Variants in CORO7 observed in about 807,000 individuals in gnomAD.
The protein encoded by CORO7 is coronin-7.
In CORO7, 107 loss-of-function variants were observed where a neutral mutation model predicts 126.6. The observed-to-expected ratio is 0.85, with a 90% confidence interval of 0.72 to 0.99. CORO7 has a LOEUF of 0.99. CORO7 is among the 50% of genes least tolerant of loss of function. The pLI is 0.00. For missense variants in CORO7, 1,314 were observed against 1,255.8 expected, an observed-to-expected ratio of 1.05 and a Z score of -0.70; for synonymous variants, 603 against 536.8, an observed-to-expected ratio of 1.12 and a Z score of -1.70.
intron 7 of CORO7, among the ~76,000 whole-genome samples, chr16:4,391,717 C>G (rs1046592261): frequency 6.6e-6 from 1 of 152,230 alleles, no homozygotes; most frequent in Non-Finnish European, 1.5e-5. Flanking sequence ...GGCGACAGAG[C>G]GAGACCCGTT....
rs2053999659 is a variant in CORO7 at position 4,357,125 on chromosome 16, A to C, written c.2685+43T>G. 11 of 1,611,504 alleles carry C rather than the reference A, an allele frequency of 6.8e-6. No individual in the cohort carries two copies. The East Asian group carries it at 2.5e-4, about 36-fold the overall frequency. ...TAAGGGGCCGTGGCCAGGTGCAGCC[A>C]GGACTCTGTCACCTCCGCACAGCTG... is the stretch of plus-strand genomic sequence containing the variant. On this transcript the variant is annotated intron_variant, in intron 26 of 27. Coordinates refer to ENST00000251166, the MANE Select transcript of CORO7 (RefSeq NM_024535.5).
At chr16:4,383,256 G>A (rs1036508165) in intron 9 of CORO7, 8 of 274,804 alleles carry the variant, frequency 2.9e-5, no homozygotes, top group African/African-American at 1.5e-4. Context: ...GGCCAGTGAA[G>A]GAAGCTCCCG....
intron 22 of CORO7, 27 bp from the exon 23 acceptor site, chr16:4,359,412 C>T: frequency 1.3e-6 from 2 of 1,598,086 alleles, no homozygotes; most frequent in Non-Finnish European, 8.6e-7. Context: ...AGGCTGGGAA[C>T]CCTCCGGCAA....
At position 4,400,096 on chromosome 16, in the gene CORO7, G is replaced by A. The variant is rs190993195; in HGVS notation, c.565-4757C>T. Among the ~76,000 whole-genome samples, 31 of 152,288 alleles carry A rather than the reference G, an allele frequency of 2.0e-4. 1 individual carries two copies. Among genetic ancestry groups the A allele is most frequent in the Admixed American group, 8.5e-4 (13 of 15,298 alleles). Reference sequence around the variant, plus strand: ...AGGTGGAACCCAGGGGATGTTAAGAGCAGTGAAACTACTCCGTATAGTGGT... The same window carrying A: ...AGGTGGAACCCAGGGGATGTTAAGAACAGTGAAACTACTCCGTATAGTGGT... On this transcript the variant is annotated intron_variant, in intron 6 of 27. Transcript: ENST00000251166.
In CORO7 at chr16:4,407,504, T is replaced by G; in HGVS notation, c.484A>C (p.Thr162Pro). 7 of 1,566,252 alleles carry G rather than the reference T, an allele frequency of 4.5e-6. No homozygotes were observed. The highest frequency in any genetic ancestry group is 2.6e-6 in the Non-Finnish European group (3 of 1,155,546). ...VWDAAKQQPL[T>P]ELAAHGDLVQ... ...GGCAGGCCAGGGTGGCCTGTACCTG[T>G]CAGGGGCTGCTGCTTGGCTGCGTCC... is the stretch of plus-strand genomic sequence containing the variant. The change falls in exon 5 of 28, where the codon ACA (threonine) becomes CCA (proline). Residue 162 changes from threonine (T) to proline (P), a missense_variant. Thr to Pro is a conservative substitution (Grantham distance 38, BLOSUM62 -1). Transcript: ENST00000251166.
chr16:4,402,901 A>G (rs532087537), intron 6 of CORO7, among the ~76,000 whole-genome samples: 1 of 152,100 alleles, frequency 6.6e-6, no homozygotes, highest in East Asian at 1.9e-4. Context: ...ACCCAGTGGG[A>G]GTAGCTGAGA....
Position 4,362,483 on chromosome 16 carries a change from G to T in CORO7, c.1402+129C>A. The T allele has an allele frequency of 7.0e-7, 1 of 1,424,356 alleles. No individual in the cohort carries two copies. Among genetic ancestry groups the T allele is most frequent in the Admixed American group, 2.6e-5 (1 of 38,214 alleles). 88.2% of individuals were successfully genotyped at this position (1,424,356 alleles called of 1,614,324 possible). A position where few individuals can be genotyped will look rare whatever the true frequency, so the allele number is the denominator to read the frequency against. On this transcript the variant is annotated intron_variant, in intron 15 of 27. Transcript: ENST00000251166. The surrounding 1 kb of genome is among the most constrained non-coding windows in gnomAD (Gnocchi z 5.3). ...GCCCCCAGGACAAATGACCCTGCCA[G>T]TGAGTCTGGGTGAGGGGGGTGCCCT...
intron 3 of CORO7, among the ~76,000 whole-genome samples, chr16:4,411,885 C>T (rs916599383): frequency 4.0e-5 from 6 of 151,760 alleles, no homozygotes; most frequent in East Asian, 3.9e-4. Flanking sequence ...GGCTGCTGGA[C>T]GCCCCCAGAA....
rs1314837334 is a variant in CORO7 at position 4,364,967 on chromosome 16, G to T, written c.898+36C>A. 7.5e-6 allele frequency: 12 copies of T among 1,604,526 alleles called. No individual in the cohort carries two copies. In the East Asian group the frequency reaches 1.1e-4, roughly 15 times the overall value. On this transcript the variant is annotated intron_variant, in intron 11 of 27. Transcript: ENST00000251166. ...AACAGGCAGGATGGGCAGGGGAGGG[G>T]AGGGTAGGGGATGGGGGCGAGGAAG...
chr16:4,381,532 C>A (rs1043490243), intron 9 of CORO7: 2 of 1,603,552 alleles, frequency 1.2e-6, no homozygotes, highest in Non-Finnish European at 1.7e-6. Context: ...GCGCAACCTC[C>A]ACGACCTGGA....
chr16:4,413,221 A>C (rs980919977), intron 2 of CORO7, 87 bp downstream of exon 2: 149 of 1,384,180 alleles, frequency 1.1e-4, no homozygotes, highest in Non-Finnish European at 1.3e-4. Context: ...CTCCAAATAC[A>C]CCAAGCCTGC....
intron 8 of CORO7, 88 bp downstream of exon 8, chr16:4,388,457 C>G: frequency 6.9e-7 from 1 of 1,445,626 alleles, no homozygotes; most frequent in Non-Finnish European, 9.5e-7. Context: ...CCCTCAGTCC[C>G]CCGCCTCCCA....
chr16:4,355,798 G>C (rs1213251021), intron 26 of CORO7, among the ~76,000 whole-genome samples: 1 of 151,668 alleles, frequency 6.6e-6, no homozygotes, highest in Non-Finnish European at 1.5e-5. Flanking sequence ...TTTAGAGAGA[G>C]ACAAGGTCTT....
rs1283988588 is a variant in CORO7 at position 4,407,648 on chromosome 16, G to GGGCCT, written c.335_339dup (p.Leu114ArgfsTer32). The GGGCCT allele has an allele frequency of 6.2e-7, 1 of 1,607,268 alleles. No homozygotes were observed. Among genetic ancestry groups the GGGCCT allele is most frequent in the Non-Finnish European group, 8.5e-7 (1 of 1,177,750 alleles). ...AGCACCACCCCGGGTGCTGAGGGCAGGGCCTGGCCAGGCCCTGGCAGTCGC... is the reference window on the plus strand; with the variant it reads ...AGCACCACCCCGGGTGCTGAGGGCAGGGCCTGGCCTGGCCAGGCCCTGGCAGTCGC... On this transcript the variant is annotated frameshift_variant, in exon 5 of 28. Transcript: ENST00000251166. LOFTEE classifies it high-confidence loss of function.
At chr16:4,395,940 C>G (rs1201541598) in intron 6 of CORO7, among the ~76,000 whole-genome samples, 1 of 151,998 alleles carries the variant, frequency 6.6e-6, no homozygotes, top group Non-Finnish European at 1.5e-5. Context: ...AAATAAAGCA[C>G]TCATGCTTTG....
At chr16:4,366,306 C>A (rs555024856) in intron 9 of CORO7, among the ~76,000 whole-genome samples, 34 of 152,262 alleles carry the variant, frequency 2.2e-4, no homozygotes, top group African/African-American at 8.2e-4. Flanking sequence ...CGGAAGCCCC[C>A]AGAGCCCCTG....
chr16:4,356,963 A>C (rs2053995261), intron 26 of CORO7: 2 of 689,276 alleles, frequency 2.9e-6, no homozygotes, highest in Non-Finnish European at 4.8e-6. Flanking sequence ...TGGCCAGGGC[A>C]GGGCTCCCAC....
chr16:4,412,182 C>G (rs1596344027), intron 3 of CORO7, among the ~76,000 whole-genome samples, 174 bp downstream of exon 3: 2 of 152,274 alleles, frequency 1.3e-5, no homozygotes, highest in Admixed American at 1.3e-4. Flanking sequence ...GGCCGGAATT[C>G]TACACCAGGA....
In CORO7 at chr16:4,362,030, C is replaced by T; in HGVS notation, c.1533G>A (p.Val511=). ...CCCCGCTGCTGAGCAGCGGCACGGC[C>T]ACACGCAGCTTGTTGGCACAGAAGC... ...SDGFCANKLR[V]AVPLLSSGGQ... The change falls in exon 16 of 28, where the codon GTG becomes GTA. Residue 511 remains valine, a synonymous_variant. Transcript: ENST00000251166. This position sits in a 1 kb window ranked among gnomAD's most constrained non-coding sequence, Gnocchi z 5.3. 1 of 1,612,774 alleles carries T rather than the reference C, an allele frequency of 6.2e-7. No homozygotes were observed.
Sources: gnomAD v4.1 joint callset for allele counts (sites outside exome capture counted in the v4.1 genomes callset) on GRCh38, gnomAD v4.1.1 for gene constraint, Gnocchi (gnomAD v3.1) non-coding constraint, MANE v1.5 for transcripts, NCBI Gene and HGNC (gene_info 2026-07-23, HGNC 2026-07-21) for gene names.